The following ZFC3H1 variants were observed in gnomAD, a reference collection of about 807,000 sequenced individuals.
The protein encoded by ZFC3H1 is zinc finger C3H1 domain-containing protein.
A neutral mutation model predicts 243.7 loss-of-function variants in ZFC3H1; 71 were observed. The ratio of observed to expected loss-of-function variants is 0.29; its 90% confidence interval spans 0.24 to 0.36. The LOEUF (loss-of-function observed/expected upper bound fraction) is 0.36, where lower values mean the gene tolerates loss of function less well. ZFC3H1 is among the 10% of genes least tolerant of loss of function. The pLI is 1.00. For missense variants in ZFC3H1, 1,966 were observed against 2,317.1 expected, an observed-to-expected ratio of 0.85 and a Z score of 3.11; for synonymous variants, 838 against 813.0, an observed-to-expected ratio of 1.03 and a Z score of -0.52.
intron 6 of ZFC3H1, 91 bp downstream of exon 6, chr12:71,642,345 T>C: frequency 7.2e-7 from 1 of 1,390,846 alleles, no homozygotes; most frequent in East Asian, 2.4e-5. Flanking sequence ...TCACTTTCAT[T>C]ACACATTTCT....
At chr12:71,659,886 T>C (rs1881120075) in intron 1 of ZFC3H1, among the ~76,000 whole-genome samples, 1 of 152,222 alleles carries the variant, frequency 6.6e-6, no homozygotes, top group Non-Finnish European at 1.5e-5. Flanking sequence ...CTAATTATGT[T>C]AGCTCTCCTC....
chr12:71,643,156 T>G (rs1473779212), intron 5 of ZFC3H1, among the ~76,000 whole-genome samples: 3 of 152,084 alleles, frequency 2.0e-5, no homozygotes, highest in Non-Finnish European at 2.9e-5. Flanking sequence ...CATATTTATC[T>G]CTAGAAAAAG....
intron 21 of ZFC3H1, among the ~76,000 whole-genome samples, chr12:71,626,740 T>C (rs1158734778): frequency 6.6e-6 from 1 of 152,216 alleles, no homozygotes. Context: ...ATGTGCTTTA[T>C]GTCCATATTC....
intron 32 of ZFC3H1, 95 bp downstream of exon 32, chr12:71,611,691 A>ATT (rs1323250523): frequency 2.6e-5 from 6 of 229,194 alleles, no homozygotes; most frequent in African/African-American, 1.2e-4. Context: ...ATATATATAT[A>ATT]TATATATAGA....
rs1484181909 is a variant in ZFC3H1, at chr12:71,656,594, T to C, written c.1015+291A>G. 7 of 628,438 alleles carry C rather than the reference T, an allele frequency of 1.1e-5. No homozygotes were observed. In the South Asian group the frequency reaches 1.3e-4, roughly 12 times the overall value. 38.9% of individuals were successfully genotyped at this position (628,438 alleles called of 1,614,324 possible). On this transcript the variant is annotated intron_variant, in intron 2 of 34. Coordinates refer to ENST00000378743, the MANE Select transcript of ZFC3H1 (RefSeq NM_144982.5). Reference sequence around the variant, plus strand: ...AAAAAATTAACATCATATTTAATGGTAAATGTCAAAACCATTTTCTTTAAA... The same window carrying C: ...AAAAAATTAACATCATATTTAATGGCAAATGTCAAAACCATTTTCTTTAAA...
Position 71,620,204 on chromosome 12 carries a change from T to G in ZFC3H1, c.4850+6A>C. On this transcript the variant is annotated splice_donor_region_variant and intron_variant, in intron 25 of 34. Transcript: ENST00000378743. ...TAAGGTTAGCTGCTTGGCAATTAAG[T>G]TGTACCTCTCCAGGAGTTGGTGCAG... is the stretch of plus-strand genomic sequence containing the variant. 1.2e-6 allele frequency: 2 copies of G among 1,614,080 alleles called. No individual in the cohort carries two copies. The highest frequency in any genetic ancestry group is 1.7e-6 in the Non-Finnish European group (2 of 1,180,000).
Position 71,619,467 on chromosome 12 carries a change from T to C in ZFC3H1, c.5050-58A>G, listed in dbSNP as rs1879972108. ...AGGCTTACAATGTTTAATTAAAATGTCACGAGGGAGAAAAAAAGCCTTAAA... is the reference window on the plus strand; with the variant it reads ...AGGCTTACAATGTTTAATTAAAATGCCACGAGGGAGAAAAAAAGCCTTAAA... On this transcript the variant is annotated intron_variant, in intron 26 of 34. Transcript: ENST00000378743. 3 of 1,518,156 alleles carry C rather than the reference T, an allele frequency of 2.0e-6. No individual in the cohort carries two copies. In the South Asian group the frequency reaches 3.6e-5, roughly 18 times the overall value. 94.0% of individuals were successfully genotyped at this position (1,518,156 alleles called of 1,614,324 possible). A position where few individuals can be genotyped will look rare whatever the true frequency, so the allele number is the denominator to read the frequency against.
chr12:71,663,431 CGAGT>C lies in ZFC3H1; in HGVS notation c.176_179del (p.His59ArgfsTer24). 6.2e-7 allele frequency: 1 copy of C among 1,611,944 alleles called. No homozygotes were observed. The highest frequency in any genetic ancestry group is 8.5e-7 in the Non-Finnish European group (1 of 1,180,020). On this transcript the variant is annotated frameshift_variant, in exon 1 of 35. Transcript: ENST00000378743. LOFTEE classifies it high-confidence loss of function. The stretch of plus-strand genomic sequence containing the variant: ...CTCCGCCAGATCCACCGCCCCGGGC[CGAGT>C]GAGGAGGCCTTCGCCGCGGATAGGG...
Position 71,626,242 on chromosome 12 carries a change from G to T in ZFC3H1, c.4317+18C>A. 6.3e-7 allele frequency: 1 copy of T among 1,577,062 alleles called. No homozygotes were observed. The highest frequency in any genetic ancestry group is 1.1e-5 in the South Asian group (1 of 89,760). On this transcript the variant is annotated intron_variant, in intron 22 of 34. Transcript: ENST00000378743. Reference sequence around the variant, plus strand: ...CACACACACACACACACACACGTACGTTATCTTTTCTACTCACAGTCCAAA... The same window carrying T: ...CACACACACACACACACACACGTACTTTATCTTTTCTACTCACAGTCCAAA...
intron 27 of ZFC3H1, among the ~76,000 whole-genome samples, chr12:71,618,873 A>AT (rs915863695): frequency 3.3e-4 from 50 of 152,176 alleles, no homozygotes; most frequent in African/African-American, 1.2e-3. Flanking sequence ...GTCTTACTCT[A>AT]TAACATTTCA....
rs1880083732 is a variant in ZFC3H1 at position 71,623,516 on chromosome 12, T to C, written c.4588A>G (p.Ile1530Val). Residue 1530 changes from isoleucine to valine, a missense_variant, in exon 24 of 35, where the codon ATA becomes GTA. Ile to Val is a conservative substitution (Grantham distance 29). Coordinates refer to ENST00000378743, the MANE Select transcript of ZFC3H1 (RefSeq NM_144982.5). ...SDRCLAWLAY[I>V]HLIEFNILPS... is the part of the protein sequence containing the mutation. ...AGAATGTTGAATTCAATAAGATGTA[T>C]GTAGGCCAACCATGCCAAACATCGA... The C allele has an allele frequency of 2.5e-6, 4 of 1,613,700 alleles. No homozygotes were observed. Among genetic ancestry groups the C allele is most frequent in the Admixed American group, 1.7e-5 (1 of 59,974 alleles).
chr12:71,638,249 G>C (rs967143779), intron 7 of ZFC3H1, among the ~76,000 whole-genome samples, 169 bp downstream of exon 7: 7 of 152,094 alleles, frequency 4.6e-5, no homozygotes, highest in African/African-American at 1.7e-4. Context: ...CTACCAAATG[G>C]ATAGCTTGCT....
At chr12:71,656,632 G>C in intron 2 of ZFC3H1, 1 of 597,500 alleles carries the variant, frequency 1.7e-6, no homozygotes, top group Non-Finnish European at 2.9e-6. Flanking sequence ...AGGAAACAAA[G>C]GTGTCCACTA....
In ZFC3H1 at chr12:71,658,435, C is replaced by T. The variant is rs573922552; in HGVS notation, c.599-1134G>A. Among the ~76,000 whole-genome samples, 68 of 151,832 alleles carry T rather than the reference C, an allele frequency of 4.5e-4. 1 individual carries two copies. In the Middle Eastern group the frequency reaches 0.01, roughly 23 times the overall value. ...TCCTGAGTAGCTTGGATTACAGGTGCGTGCCACCATGCCCAGCTAATTTTT... is the reference window on the plus strand; with the variant it reads ...TCCTGAGTAGCTTGGATTACAGGTGTGTGCCACCATGCCCAGCTAATTTTT... On this transcript the variant is annotated intron_variant, in intron 1 of 34. Coordinates refer to ENST00000378743, the MANE Select transcript of ZFC3H1 (RefSeq NM_144982.5).
Position 71,636,512 on chromosome 12 carries a change from C to T in ZFC3H1, c.2078G>A (p.Arg693His), listed in dbSNP as rs1051762124. The stretch of plus-strand genomic sequence containing the variant: ...TACCGAGATCACAGTTCGTGGAAGA[C>T]GGGGTCCTCTGTGAAACTTTGGATT... ...IQNPKFHRGPRLPRTVISLPK... is the reference protein window; with the variant it reads ...IQNPKFHRGPHLPRTVISLPK... Residue 693 changes from arginine to histidine, a missense_variant, in exon 9 of 35, where the codon CGT becomes CAT. By Grantham distance (29) the Arg-to-His change is conservative. This residue lies in a region of ZFC3H1 where 1,383 missense variants were observed against 1,723.7 expected (regional missense o/e 0.80). Transcript: ENST00000378743. The T allele has an allele frequency of 1.2e-6, 2 of 1,606,408 alleles. No individual in the cohort carries two copies. The highest frequency in any genetic ancestry group is 1.1e-5 in the South Asian group (1 of 89,654).
intron 2 of ZFC3H1, among the ~76,000 whole-genome samples, chr12:71,654,308 G>C (rs1397529114): frequency 2.0e-5 from 3 of 152,056 alleles, no homozygotes; most frequent in Non-Finnish European, 4.4e-5. Context: ...GGGCATGGTA[G>C]TACATGCCTG....
At chr12:71,646,751 G>A (rs1337410782) in intron 3 of ZFC3H1, among the ~76,000 whole-genome samples, 1 of 152,112 alleles carries the variant, frequency 6.6e-6, no homozygotes, top group Non-Finnish European at 1.5e-5. Context: ...CACGCCCAGT[G>A]ACACTTTTGA....
At chr12:71,649,091 C>CAATAATAA (rs1880808724) in intron 2 of ZFC3H1, among the ~76,000 whole-genome samples, 1 of 89,832 alleles carries the variant, frequency 1.1e-5, no homozygotes, top group Non-Finnish European at 2.4e-5. Context: ...ACTCTTGTCT[C>CAATAATAA]AAAAAAAAAA....
rs1405372776 is a variant in ZFC3H1, at chr12:71,634,731, T to C, written c.2333A>G (p.Tyr778Cys). Reference protein sequence around the residue: ...EALPEEKKIEYRLLKEEIANR... With the variant: ...EALPEEKKIECRLLKEEIANR... ...GGCAATCTCTTCCTTTAACAATCTATATTCAATCTTCTTTTCTTCAGGCAA... is the reference window on the plus strand; with the variant it reads ...GGCAATCTCTTCCTTTAACAATCTACATTCAATCTTCTTTTCTTCAGGCAA... The change falls in exon 11 of 35, where the codon TAT becomes TGT. Residue 778 changes from tyrosine (Y) to cysteine (C), a missense_variant. Around this residue, in one of 4 missense-constraint regions of ZFC3H1, gnomAD observed 1,383 missense variants for 1,723.7 expected, o/e 0.80. Coordinates refer to ENST00000378743, the MANE Select transcript of ZFC3H1 (RefSeq NM_144982.5). 6 of 1,603,362 alleles carry C rather than the reference T, an allele frequency of 3.7e-6. No individual in the cohort carries two copies. Among genetic ancestry groups the C allele is most frequent in the Non-Finnish European group, 5.1e-6 (6 of 1,176,596 alleles).
Sources: allele counts gnomAD v4.1 joint callset (sites outside exome capture counted in the v4.1 genomes callset), GRCh38; gene constraint gnomAD v4.1.1; regional missense constraint gnomAD v4.1.1; transcripts MANE v1.5; gene names NCBI Gene and HGNC (gene_info 2026-07-23, HGNC 2026-07-21).